The following TTC21A variants were observed in gnomAD, a reference collection of about 807,000 sequenced individuals.
The protein encoded by TTC21A is tetratricopeptide repeat domain 21A, also known as tetratricopeptide repeat protein 21A.
TTC21A carries 128 observed loss-of-function variants against 156.4 expected under a neutral mutation model. That is an observed-to-expected ratio of 0.82 (90% CI 0.71 to 0.95). The LOEUF (loss-of-function observed/expected upper bound fraction) is 0.95. TTC21A is among the 40% of genes least tolerant of loss of function. The pLI, the probability that TTC21A is intolerant of heterozygous loss-of-function variation, is 0.00. For missense variants in TTC21A, 1,435 were observed against 1,602.3 expected, an observed-to-expected ratio of 0.90 and a Z score of 1.78; for synonymous variants, 587 against 617.1, an observed-to-expected ratio of 0.95 and a Z score of 0.72.
At chr3:39,108,313 A>G in intron 1 of TTC21A, 1 of 170,352 alleles carries the variant, frequency 5.9e-6, no homozygotes, top group Admixed American at 6.3e-5. Context: ...CTAGCCCAGA[A>G]CCAGCACCAT....
chr3:39,138,114 G>A, intron 26 of TTC21A, 153 bp from the exon 27 acceptor site: 1 of 1,133,252 alleles, frequency 8.8e-7, no homozygotes, highest in Non-Finnish European at 1.2e-6. Flanking sequence ...TCTTGCAAAG[G>A]TTGGGGTACC....
chr3:39,116,588 A>G (rs1359688212), intron 6 of TTC21A, among the ~76,000 whole-genome samples: 1 of 151,972 alleles, frequency 6.6e-6, no homozygotes, highest in East Asian at 1.9e-4. Context: ...TGATCCTCCC[A>G]ACTCAGCCTC....
At chr3:39,138,042 G>T (rs1375032588) in intron 26 of TTC21A, among the ~76,000 whole-genome samples, 1 of 152,188 alleles carries the variant, frequency 6.6e-6, no homozygotes, top group African/African-American at 2.4e-5. Context: ...GAACAGGAGG[G>T]CTACAGGGAA....
chr3:39,137,755 A>G (rs2125875255), intron 26 of TTC21A, 45 bp downstream of exon 26: 1 of 1,553,208 alleles, frequency 6.4e-7, no homozygotes, highest in African/African-American at 1.4e-5. Flanking sequence ...GGCGGAAAGG[A>G]TTCTAGGCAT....
At chr3:39,133,598 A>T (rs1379083345) in intron 20 of TTC21A, among the ~76,000 whole-genome samples, 1 of 152,238 alleles carries the variant, frequency 6.6e-6, no homozygotes, top group Admixed American at 6.5e-5. Context: ...CATGAAGTGC[A>T]GGCTGAGCTT....
intron 9 of TTC21A, 42 bp downstream of exon 9, chr3:39,121,231 GC>G: frequency 1.3e-6 from 2 of 1,560,234 alleles, no homozygotes; most frequent in Non-Finnish European, 1.7e-6. Context: ...GGTGTCGGGA[GC>G]CAAACCGGGC....
rs1380651866 is a variant in TTC21A at position 39,126,399 on chromosome 3, G to A, written c.1522+9G>A. ...GGTCAGGTATTACTCAGGTGAGCGGGGGATCCTGACAGCCGGGTGGGGCCT... is the reference window on the plus strand; with the variant it reads ...GGTCAGGTATTACTCAGGTGAGCGGAGGATCCTGACAGCCGGGTGGGGCCT... On this transcript the variant is annotated intron_variant, in intron 12 of 28. Coordinates refer to ENST00000683103, the MANE Select transcript of TTC21A (RefSeq NM_001366900.1). The A allele has an allele frequency of 4.3e-6, 7 of 1,613,504 alleles. No homozygotes were observed. The highest frequency in any genetic ancestry group is 1.3e-5 in the African/African-American group (1 of 74,762).
Position 39,138,322 on chromosome 3 carries a change from A to G in TTC21A, c.3731A>G (p.Tyr1244Cys). Residue 1244 changes from tyrosine (Y) to cysteine (C), a missense_variant, in exon 27 of 29, where the codon TAC becomes TGC. Tyr to Cys is a radical substitution (Grantham distance 194). Coordinates refer to ENST00000683103, the MANE Select transcript of TTC21A (RefSeq NM_001366900.1). ...TTCATCATGGAGAAGGAGCAGTCCT[A>G]CAAGGATGCAGTCACCAACTACAAA... ...MGFIMEKEQS[Y>C]KDAVTNYKLA... The G allele has an allele frequency of 6.8e-6, 11 of 1,614,158 alleles. No individual in the cohort carries two copies. Among genetic ancestry groups the G allele is most frequent in the Non-Finnish European group, 9.3e-6 (11 of 1,180,010 alleles).
chr3:39,120,429 G>C (rs1455779359), intron 8 of TTC21A, among the ~76,000 whole-genome samples: 1 of 152,130 alleles, frequency 6.6e-6, no homozygotes, highest in Non-Finnish European at 1.5e-5. Context: ...GCCTGCCTAG[G>C]CCTCTCAAAC....
intron 5 of TTC21A, 78 bp downstream of exon 5, chr3:39,112,658 G>T: frequency 6.4e-7 from 1 of 1,573,812 alleles, no homozygotes; most frequent in Non-Finnish European, 8.6e-7. Context: ...GTACCCCCAG[G>T]CCAAACCCTC....
At position 39,108,788 on chromosome 3, in the gene TTC21A, C is replaced by A. The variant is rs567715567; in HGVS notation, c.28-297C>A. ...TTCTTATTATTTGTCCTCATTTTTCCCCCCTTATTCCCTTCCTAAGACAAA... is the reference window on the plus strand; with the variant it reads ...TTCTTATTATTTGTCCTCATTTTTCACCCCTTATTCCCTTCCTAAGACAAA... On this transcript the variant is annotated intron_variant, in intron 1 of 28. Coordinates refer to ENST00000683103, the MANE Select transcript of TTC21A (RefSeq NM_001366900.1). 3.3e-5 allele frequency among the ~76,000 whole-genome samples: 5 copies of A among 152,262 alleles called. No homozygotes were observed. In the South Asian group the frequency reaches 1.0e-3, roughly 32 times the overall value.
chr3:39,132,884 A>C (rs1245325501), intron 19 of TTC21A, 168 bp from the exon 20 acceptor site: 2 of 660,942 alleles, frequency 3.0e-6, no homozygotes, highest in East Asian at 5.5e-5. Flanking sequence ...AGCTTGCCTC[A>C]TGTGTACTCA....
intron 5 of TTC21A, among the ~76,000 whole-genome samples, chr3:39,114,268 T>C (rs191994687): frequency 2.6e-5 from 4 of 152,190 alleles, no homozygotes; most frequent in African/African-American, 9.7e-5. Context: ...CCCAGTGACC[T>C]CACCTCTCCC....
chr3:39,114,873 A>G, intron 6 of TTC21A, 131 bp downstream of exon 6: 1 of 1,008,752 alleles, frequency 9.9e-7, no homozygotes, highest in Non-Finnish European at 1.5e-6. Context: ...TGCTATGGCC[A>G]AATTGGGATG....
chr3:39,133,319 G>T, intron 20 of TTC21A, 79 bp downstream of exon 20: 1 of 1,401,972 alleles, frequency 7.1e-7, no homozygotes, highest in Admixed American at 2.2e-5. Flanking sequence ...CAGGTACAGG[G>T]GCCAGTCCCT....
chr3:39,110,500 T>C, intron 3 of TTC21A: 1 of 501,332 alleles, frequency 2.0e-6, no homozygotes, highest in Admixed American at 3.3e-5. Context: ...AGGGAGAGGG[T>C]CCAAGAGAGA....
rs1365508130 is a variant in TTC21A, at chr3:39,134,520, G to T, written c.2862+192G>T. On this transcript the variant is annotated intron_variant, in intron 21 of 28. Transcript: ENST00000683103. This position sits in a 1 kb window ranked among gnomAD's most constrained non-coding sequence, Gnocchi z 4.6. The stretch of plus-strand genomic sequence containing the variant: ...TTAGCCGGAAGCGGTAGGCTGGCTG[G>T]CAGTGGGCAGCATCAATCTCCTGGG... 3.0e-6 allele frequency: 2 copies of T among 657,860 alleles called. No individual in the cohort carries two copies. The highest frequency in any genetic ancestry group is 5.6e-6 in the Non-Finnish European group (2 of 358,180). The allele number at this position is 657,860 out of a possible 1,614,324, so 40.8% of individuals were successfully genotyped here.
Position 39,138,877 on chromosome 3 carries a change from C to A in TTC21A, c.*89C>A. On this transcript the variant is annotated 3_prime_UTR_variant, in exon 29 of 29. Coordinates refer to ENST00000683103, the MANE Select transcript of TTC21A (RefSeq NM_001366900.1). ...AAAGTGGGTCAGTGGAGAAGGGATT[C>A]AGAAAATGACACATTCTTCCCCATT... is the stretch of plus-strand genomic sequence containing the variant. 9.9e-7 allele frequency: 1 copy of A among 1,011,906 alleles called. No individual in the cohort carries two copies. The highest frequency in any genetic ancestry group is 1.5e-6 in the Non-Finnish European group (1 of 671,096). The allele number at this position is 1,011,906 out of a possible 1,614,324, so 62.7% of individuals were successfully genotyped here. A position where few individuals can be genotyped will look rare whatever the true frequency, so the allele number is the denominator to read the frequency against.
chr3:39,107,773 T>C lies in TTC21A; in HGVS notation c.-65T>C. On this transcript the variant is annotated 5_prime_UTR_variant, in exon 1 of 29. Coordinates refer to ENST00000683103, the MANE Select transcript of TTC21A (RefSeq NM_001366900.1). Reference sequence around the variant, plus strand: ...CGCCGCGATAGAGTGCCCACGACCCTGCCTCGGGAATCCCGCTCTGCACCG... The same window carrying C: ...CGCCGCGATAGAGTGCCCACGACCCCGCCTCGGGAATCCCGCTCTGCACCG... The C allele has an allele frequency of 4.4e-6, 7 of 1,607,666 alleles. No homozygotes were observed. The highest frequency in any genetic ancestry group is 5.9e-6 in the Non-Finnish European group (7 of 1,177,434).
Sources: allele counts gnomAD v4.1 joint callset (sites outside exome capture counted in the v4.1 genomes callset), GRCh38; gene constraint gnomAD v4.1.1; non-coding constraint Gnocchi (gnomAD v3.1); transcripts MANE v1.5; gene names NCBI Gene and HGNC (gene_info 2026-07-23, HGNC 2026-07-21).